The following EVI5 variants were observed in gnomAD, a reference collection of about 807,000 sequenced individuals.
The protein encoded by EVI5 is ecotropic viral integration site 5 protein homolog.
In EVI5, 73 loss-of-function variants were observed where a neutral mutation model predicts 112.0. The ratio of observed to expected loss-of-function variants is 0.65; its 90% CI spans 0.54 to 0.79. EVI5 has a LOEUF of 0.79. Among genes scored for constraint, EVI5 ranks in the 30% least tolerant of loss-of-function variants. The pLI is 0.00. For missense variants in EVI5, 900 were observed against 968.8 expected (o/e 0.93, Z 0.94); for synonymous variants, 305 against 319.9 (o/e 0.95, Z 0.50).
intron 16 of EVI5, among the ~76,000 whole-genome samples, chr1:92,609,366 CATTTT>C (rs1003724807): frequency 6.6e-6 from 1 of 151,546 alleles, no homozygotes; most frequent in Non-Finnish European, 1.5e-5. Context: ...AATTTCATTT[CATTTT>C]TTTTTTGAGA....
In EVI5 at chr1:92,605,377, C is replaced by A; in HGVS notation, c.2000G>T (p.Arg667Met). The A allele has an allele frequency of 6.2e-7, 1 of 1,612,816 alleles. No individual in the cohort carries two copies. Among genetic ancestry groups the A allele is most frequent in the African/African-American group, 1.3e-5 (1 of 74,914 alleles). ...AGCTATGCTATCTGCTTCCCGAAGC[C>A]TCACAGCCATCACTTCTTCCTTATT... ...CKNKEEVMAV[R>M]LREADSIAAV... Residue 667 changes from arginine (R) to methionine (M), a missense_variant, in exon 18 of 20, where the codon AGG (arginine) becomes ATG (methionine). Physicochemically the swap from Arg to Met is moderately conservative, Grantham distance 91. Transcript: ENST00000684568.
At chr1:92,592,640 T>C (rs916156732) in intron 18 of EVI5, among the ~76,000 whole-genome samples, 6 of 152,168 alleles carry the variant, frequency 3.9e-5, no homozygotes, top group African/African-American at 9.7e-5. Flanking sequence ...AGCTGCTTTT[T>C]TGAAAAGATC....
At position 92,513,784 on chromosome 1, in the gene EVI5, C is replaced by T. The variant is rs1659423141; in HGVS notation, c.2353G>A (p.Asp785Asn). 2 of 1,613,404 alleles carry T rather than the reference C, an allele frequency of 1.2e-6. No homozygotes were observed. Among genetic ancestry groups the T allele is most frequent in the East Asian group, 2.2e-5 (1 of 44,874 alleles). The change falls in exon 20 of 20, where the codon GAC becomes AAC. Residue 785 changes from aspartate to asparagine, a missense_variant. Asp to Asn is a conservative substitution (Grantham distance 23). Coordinates refer to ENST00000684568, the MANE Select transcript of EVI5 (RefSeq NM_001350197.2). ...LHGKSGSMSL[D>N]PAVADGSESE... is the part of the protein sequence containing the mutation. ...TCACTACCATCTGCCACTGCGGGGTCCAAAGACATCGAACCAGATTTTCCG... is the reference window on the plus strand; with the variant it reads ...TCACTACCATCTGCCACTGCGGGGTTCAAAGACATCGAACCAGATTTTCCG...
At chr1:92,616,384 G>T (rs573383227) in intron 16 of EVI5, among the ~76,000 whole-genome samples, 53 of 152,260 alleles carry the variant, frequency 3.5e-4, no homozygotes, top group African/African-American at 1.3e-3. Context: ...ATACTGAGGT[G>T]CCGGGGCCAA....
intron 19 of EVI5, among the ~76,000 whole-genome samples, chr1:92,560,105 C>G (rs916561941): frequency 3.9e-5 from 6 of 152,160 alleles, no homozygotes; most frequent in African/African-American, 1.4e-4. Flanking sequence ...TGGCATAAAT[C>G]ACTTAAAGCA....
At chr1:92,729,302 T>A (rs944699627) in intron 2 of EVI5, among the ~76,000 whole-genome samples, 1 of 152,206 alleles carries the variant, frequency 6.6e-6, no homozygotes, top group Admixed American at 6.5e-5. Flanking sequence ...TACGTTTCAG[T>A]TGATGACAAT....
chr1:92,591,348 T>C (rs1673848078), intron 18 of EVI5, among the ~76,000 whole-genome samples: 1 of 152,168 alleles, frequency 6.6e-6, no homozygotes, highest in South Asian at 2.1e-4. Flanking sequence ...CCCATCAGTG[T>C]GCTGTATTCA....
intron 18 of EVI5, among the ~76,000 whole-genome samples, chr1:92,602,587 T>G (rs913549344): frequency 1.3e-5 from 2 of 152,112 alleles, no homozygotes; most frequent in Non-Finnish European, 2.9e-5. Context: ...AAAATTGTTT[T>G]GTAGAGACAG....
chr1:92,583,536 AAT>A (rs1387812449), intron 18 of EVI5, among the ~76,000 whole-genome samples: 152 of 131,302 alleles, frequency 1.2e-3, no homozygotes, highest in Middle Eastern at 4.0e-3. Flanking sequence ...AAAAAAAAAA[AAT>A]TAGATTTTTC....
intron 16 of EVI5, among the ~76,000 whole-genome samples, chr1:92,610,402 T>A (rs1472697284): frequency 3.3e-5 from 5 of 152,162 alleles, no homozygotes. Flanking sequence ...AGACCATAAT[T>A]CAACATTATG....
intron 18 of EVI5, among the ~76,000 whole-genome samples, chr1:92,594,971 T>C (rs1161290979): frequency 1.3e-5 from 2 of 152,244 alleles, no homozygotes; most frequent in Non-Finnish European, 2.9e-5. Flanking sequence ...TTGGTGGGAC[T>C]GTAAACTAGT....
At chr1:92,789,962 C>T (rs1405029735), upstream of EVI5, among the ~76,000 whole-genome samples, 1 of 152,118 alleles carries the variant, frequency 6.6e-6, no homozygotes, top group Non-Finnish European at 1.5e-5. Flanking sequence ...TCTAGGTTTG[C>T]ACTGTCCAAT....
chr1:92,781,050 C>T (rs968417430), intron 1 of EVI5, among the ~76,000 whole-genome samples: 7 of 151,850 alleles, frequency 4.6e-5, no homozygotes, highest in African/African-American at 1.7e-4. Context: ...CAGGGTTTCG[C>T]CATGTTGGCT....
intron 19 of EVI5, among the ~76,000 whole-genome samples, chr1:92,514,422 T>C (rs1456640371): frequency 3.3e-5 from 5 of 152,002 alleles, no homozygotes; most frequent in Admixed American, 6.6e-5. Flanking sequence ...TCCCAAAGTG[T>C]TGGGATTACA....
intron 19 of EVI5, among the ~76,000 whole-genome samples, chr1:92,516,338 A>T (rs937285883): frequency 3.3e-5 from 5 of 152,224 alleles, no homozygotes; most frequent in Non-Finnish European, 7.3e-5. Context: ...TATTGCAATT[A>T]AAACACTGCA....
chr1:92,694,291 G>A lies in EVI5; in HGVS notation c.999+8C>T, dbSNP rs868121812. On this transcript the variant is annotated splice_region_variant and intron_variant, in intron 8 of 19. Transcript: ENST00000684568. ...AAAAAAAAAAAAGAAAATAAATTAT[G>A]AACTTACCTGTAACATCCCTTCCAT... 3 of 1,414,358 alleles carry A rather than the reference G, an allele frequency of 2.1e-6. No individual in the cohort carries two copies. The highest frequency in any genetic ancestry group is 1.8e-4 in the Middle Eastern group (1 of 5,584). 87.6% of individuals were successfully genotyped at this position (1,414,358 alleles called of 1,614,324 possible).
At chr1:92,609,737 C>T (rs908913745) in intron 16 of EVI5, among the ~76,000 whole-genome samples, 1 of 152,118 alleles carries the variant, frequency 6.6e-6, no homozygotes, top group Non-Finnish European at 1.5e-5. Flanking sequence ...AAAGACCCCC[C>T]TCCAGTTTTA....
At chr1:92,715,635 G>T (rs1673517815) in intron 2 of EVI5, among the ~76,000 whole-genome samples, 1 of 152,166 alleles carries the variant, frequency 6.6e-6, no homozygotes, top group Admixed American at 6.5e-5. Context: ...CCCACAGAGG[G>T]CGAGCCAAAG....
chr1:92,787,977 G>GGC (rs79482588), upstream of EVI5, among the ~76,000 whole-genome samples: 1 of 151,884 alleles, frequency 6.6e-6, no homozygotes, highest in African/African-American at 2.4e-5. Flanking sequence ...TTCTAGAAAA[G>GGC]AAAATTAATC....
Sources: allele counts gnomAD v4.1 joint callset (sites outside exome capture counted in the v4.1 genomes callset), GRCh38; gene constraint gnomAD v4.1.1; transcripts MANE v1.5; gene names NCBI Gene and HGNC (gene_info 2026-07-23, HGNC 2026-07-21).